Variants in FTO observed in about 807,000 individuals in gnomAD.
The protein encoded by FTO is FTO alpha-ketoglutarate dependent dioxygenase, also known as alpha-ketoglutarate-dependent dioxygenase FTO.
A neutral mutation model predicts 63.9 loss-of-function variants in FTO; 47 were observed. The ratio of observed to expected loss-of-function variants is 0.74; its 90% CI spans 0.58 to 0.94. The LOEUF is 0.94. FTO is among the 40% of genes least tolerant of loss of function. The pLI is 0.00. For missense variants in FTO, 562 were observed against 618.1 expected (o/e 0.91, Z 0.96); for synonymous variants, 207 against 224.4 (o/e 0.92, Z 0.69).
chr16:54,010,294 CCCAGCTA>C (rs1200836984), intron 8 of FTO, among the ~76,000 whole-genome samples: 2 of 152,022 alleles, frequency 1.3e-5, no homozygotes, highest in African/African-American at 2.4e-5. Flanking sequence ...TGCCTATAAT[CCCAGCTA>C]CTCAGGCGAT....
At chr16:53,733,409 A>G (rs1684030348) in intron 1 of FTO, among the ~76,000 whole-genome samples, 1 of 152,162 alleles carries the variant, frequency 6.6e-6, no homozygotes, top group African/African-American at 2.4e-5. Context: ...TCTCCAAAAA[A>G]AGAAAAAATA....
chr16:54,104,625 A>G (rs1312150499), intron 8 of FTO, among the ~76,000 whole-genome samples: 1 of 152,110 alleles, frequency 6.6e-6, no homozygotes, highest in Non-Finnish European at 1.5e-5. Context: ...AGGCCTCTTA[A>G]GCCTTGGTAT....
chr16:53,832,630 G>C (rs200656034), intron 3 of FTO, among the ~76,000 whole-genome samples: 1 of 151,974 alleles, frequency 6.6e-6, no homozygotes, highest in Non-Finnish European at 1.5e-5. Flanking sequence ...ATATGTGCAC[G>C]GTTTTTTTGT....
At chr16:53,986,902 T>C (rs1401487907) in intron 8 of FTO, among the ~76,000 whole-genome samples, 1 of 152,236 alleles carries the variant, frequency 6.6e-6, no homozygotes, top group African/African-American at 2.4e-5. Context: ...TTTCATTTAA[T>C]TCTAAGTACA....
intron 7 of FTO, among the ~76,000 whole-genome samples, chr16:53,892,764 C>T (rs943082418): frequency 5.9e-5 from 9 of 152,104 alleles, no homozygotes; most frequent in Admixed American, 1.3e-4. Context: ...TATCGGCCCT[C>T]GTACCAGGGA....
chr16:54,005,191 T>A (rs531799891), intron 8 of FTO, among the ~76,000 whole-genome samples: 17 of 149,254 alleles, frequency 1.1e-4, no homozygotes, highest in African/African-American at 4.1e-4. Context: ...AAGGGGAACC[T>A]TTTTCTATCC....
intron 1 of FTO, among the ~76,000 whole-genome samples, chr16:53,735,098 A>G (rs76036961): frequency 0.049 from 7,456 of 152,324 alleles, 229 homozygotes; most frequent in South Asian, 0.11. Flanking sequence ...GTAGGCAGCC[A>G]ATGGCTTCTG....
At chr16:54,010,774 GC>G (rs2084316913) in intron 8 of FTO, among the ~76,000 whole-genome samples, 1 of 152,154 alleles carries the variant, frequency 6.6e-6, no homozygotes, top group South Asian at 2.1e-4. Flanking sequence ...TGGGTGAACG[GC>G]CAGGTGTTCT....
At chr16:53,771,102 A>G (rs1219269439) in intron 1 of FTO, among the ~76,000 whole-genome samples, 3 of 152,150 alleles carry the variant, frequency 2.0e-5, no homozygotes, top group Admixed American at 6.5e-5. Context: ...GGGATTGGCA[A>G]TTAAGAAATA....
intron 8 of FTO, among the ~76,000 whole-genome samples, chr16:54,018,098 C>G (rs2084495089): frequency 6.6e-6 from 1 of 151,912 alleles, no homozygotes; most frequent in African/African-American, 2.4e-5. Context: ...TTTCACTTTG[C>G]TAAAGTTTGA....
chr16:53,920,570 T>G (rs1282709903), intron 7 of FTO, among the ~76,000 whole-genome samples: 2 of 152,194 alleles, frequency 1.3e-5, no homozygotes, highest in African/African-American at 4.8e-5. Context: ...TACATTTCTC[T>G]CATGTTCCAA....
intron 1 of FTO, among the ~76,000 whole-genome samples, chr16:53,720,508 G>A (rs1448905069): frequency 6.6e-6 from 1 of 151,222 alleles, no homozygotes; most frequent in Admixed American, 6.6e-5. Context: ...AGTACATAGT[G>A]ATGTTTTGAT....
At chr16:54,066,868 C>T (rs1427454260) in intron 8 of FTO, among the ~76,000 whole-genome samples, 1 of 152,206 alleles carries the variant, frequency 6.6e-6, no homozygotes, top group African/African-American at 2.4e-5. Flanking sequence ...GCAGCCCCAG[C>T]TTGGATCACA....
intron 1 of FTO, among the ~76,000 whole-genome samples, chr16:53,763,663 G>A (rs1199903753): frequency 6.6e-6 from 1 of 152,176 alleles, no homozygotes; most frequent in Non-Finnish European, 1.5e-5. Flanking sequence ...ATAAAGTCAA[G>A]GTAGTAATGT....
chr16:53,977,555 G>T (rs745964467), intron 8 of FTO, among the ~76,000 whole-genome samples: 58 of 152,048 alleles, frequency 3.8e-4, no homozygotes, highest in Non-Finnish European at 7.6e-4. Context: ...TAGCATTAAG[G>T]CTTTTGCATG....
intron 1 of FTO, among the ~76,000 whole-genome samples, chr16:53,749,282 T>C (rs2151564347): frequency 6.6e-6 from 1 of 152,298 alleles, no homozygotes; most frequent in Non-Finnish European, 1.5e-5. Flanking sequence ...GTTTTACTTC[T>C]TCCTTTCCTA....
At chr16:53,968,597 C>T (rs768972470) in intron 8 of FTO, among the ~76,000 whole-genome samples, 55 of 152,282 alleles carry the variant, frequency 3.6e-4, no homozygotes, top group African/African-American at 1.1e-3. Flanking sequence ...TTAACACTCT[C>T]GGACAAGAAG....
chr16:53,806,133 T>A (rs2078360653), intron 1 of FTO, among the ~76,000 whole-genome samples: 1 of 152,228 alleles, frequency 6.6e-6, no homozygotes, highest in South Asian at 2.1e-4. Flanking sequence ...TTGTCAGAGC[T>A]GTTTTTTTCC....
At chr16:53,937,961 A>C (rs946407648) in intron 8 of FTO, 1 of 152,228 alleles carries the variant, frequency 6.6e-6, no homozygotes, top group East Asian at 1.9e-4. Flanking sequence ...GGTGTTGTTT[A>C]TTATGGGATA....
Sources: gnomAD v4.1 joint callset for allele counts (sites outside exome capture counted in the v4.1 genomes callset) on GRCh38, gnomAD v4.1.1 for gene constraint, MANE v1.5 for transcripts, NCBI Gene and HGNC (gene_info 2026-07-23, HGNC 2026-07-21) for gene names.